LY96: variants seen among roughly 807,000 people sequenced by gnomAD.
LY96 encodes the protein lymphocyte antigen 96, also known as myeloid differentiation protein-2.
A neutral mutation model predicts 18.9 loss-of-function variants in LY96; 18 were observed. The ratio of observed to expected loss-of-function variants is 0.95; its 90% confidence interval spans 0.66 to 1.41. The LOEUF (loss-of-function observed/expected upper bound fraction) is 1.41. Ranked by LOEUF, LY96 falls within the 40% of genes most tolerant of loss-of-function variation. The probability of loss-of-function intolerance (pLI) is 0.00; values close to 1 mark genes in which losing one functional copy is unlikely to be tolerated. For missense variants in LY96, 175 were observed against 182.4 expected, an observed-to-expected ratio of 0.96 and a Z score of 0.23; for synonymous variants, 66 against 62.6, an observed-to-expected ratio of 1.06 and a Z score of -0.26.
At chr8:74,048,989 C>A in the LY96 span, among the ~76,000 whole-genome samples, 1 of 152,156 alleles carries the variant, frequency 6.6e-6, no homozygotes, top group Non-Finnish European at 1.5e-5. Flanking sequence ...CTGCCTTGTG[C>A]GTAGCTGTGT....
chr8:74,058,791 A>G, the LY96 span, among the ~76,000 whole-genome samples: 3 of 152,180 alleles, frequency 2.0e-5, no homozygotes, highest in African/African-American at 4.8e-5. Flanking sequence ...AAGTCCTGGG[A>G]TTACAGGCAT....
At chr8:74,032,302 A>G (rs1816984285), downstream of LY96, among the ~76,000 whole-genome samples, 1 of 152,198 alleles carries the variant, frequency 6.6e-6, no homozygotes, top group African/African-American at 2.4e-5. Flanking sequence ...TCTTATGCCC[A>G]ATTTCTGCCT....
chr8:74,041,610 C>T, the LY96 span, among the ~76,000 whole-genome samples: 13 of 152,242 alleles, frequency 8.5e-5, no homozygotes, highest in Admixed American at 2.6e-4. Context: ...AGTCTATAAA[C>T]GGCCGCTCTG....
chr8:74,072,769 A>G, the LY96 span, among the ~76,000 whole-genome samples: 2 of 152,194 alleles, frequency 1.3e-5, no homozygotes, highest in East Asian at 3.8e-4. Flanking sequence ...GCCTGAAAGC[A>G]TAGGGAGGTC....
the LY96 span, among the ~76,000 whole-genome samples, chr8:74,083,296 C>A: frequency 1.3e-5 from 2 of 152,072 alleles, no homozygotes; most frequent in Non-Finnish European, 2.9e-5. Context: ...CTCACTGCAA[C>A]CTCCACCTCC....
the LY96 span, among the ~76,000 whole-genome samples, chr8:74,080,984 C>CTTTCTT: frequency 7.6e-5 from 8 of 105,168 alleles, no homozygotes; most frequent in South Asian, 3.5e-4. Flanking sequence ...TTCTTTCTCT[C>CTTTCTT]TCTTTCTTTC....
chr8:74,081,056 CTTTCTTTCTTACTTTCTTTCT>C, the LY96 span, among the ~76,000 whole-genome samples: 235 of 112,108 alleles, frequency 2.1e-3, 2 homozygotes, highest in African/African-American at 7.9e-3. Context: ...CTTTTTCTTT[CTTTCTTTCTTACTTTCTTTCT>C]TCTCTTTCTC....
chr8:74,022,234 C>G (rs1176212890), intron 3 of LY96, among the ~76,000 whole-genome samples: 1 of 151,924 alleles, frequency 6.6e-6, no homozygotes. Context: ...ATGGTGAAAC[C>G]CAGTCTGTAC....
At chr8:74,063,716 A>G in the LY96 span, among the ~76,000 whole-genome samples, 3 of 152,174 alleles carry the variant, frequency 2.0e-5, no homozygotes, top group South Asian at 6.2e-4. Context: ...AAGATCCTGT[A>G]CATCTTTTGT....
At chr8:74,006,160 G>A (rs183565227) in intron 2 of LY96, among the ~76,000 whole-genome samples, 34 of 152,168 alleles carry the variant, frequency 2.2e-4, no homozygotes, top group African/African-American at 7.9e-4. Context: ...TATCATGCTA[G>A]GCACTGTGAA....
intron 4 of LY96, among the ~76,000 whole-genome samples, chr8:74,028,422 G>T (rs1455875160): frequency 6.6e-6 from 1 of 152,138 alleles, no homozygotes. Context: ...TGACCATTGT[G>T]TATAAGCCAG....
chr8:74,058,895 C>T, the LY96 span, among the ~76,000 whole-genome samples: 1 of 152,146 alleles, frequency 6.6e-6, no homozygotes, highest in African/African-American at 2.4e-5. Flanking sequence ...TGTCTGCAAG[C>T]TGGAGACCTA....
At chr8:74,010,659 A>T (rs1415281563) in intron 3 of LY96, among the ~76,000 whole-genome samples, 2 of 152,116 alleles carry the variant, frequency 1.3e-5, no homozygotes, top group Admixed American at 1.3e-4. Context: ...AGTTTTAAGA[A>T]TTAAATTTGA....
At chr8:74,080,920 T>C in the LY96 span, among the ~76,000 whole-genome samples, 3 of 152,212 alleles carry the variant, frequency 2.0e-5, no homozygotes, top group African/African-American at 7.2e-5. Context: ...TAAAGCCTAC[T>C]GATGATTTCC....
the LY96 span, among the ~76,000 whole-genome samples, chr8:74,093,015 G>A: frequency 2.6e-4 from 39 of 152,212 alleles, no homozygotes; most frequent in African/African-American, 8.4e-4. Flanking sequence ...TAAAATAAAA[G>A]CATGGCATTC....
chr8:74,081,013 T>A, the LY96 span, among the ~76,000 whole-genome samples: 1 of 131,858 alleles, frequency 7.6e-6, no homozygotes, highest in African/African-American at 3.6e-5. Flanking sequence ...TTTCTTTCTT[T>A]CTTTCTTTCT....
At chr8:74,085,728 AT>A in the LY96 span, among the ~76,000 whole-genome samples, 9 of 151,444 alleles carry the variant, frequency 5.9e-5, no homozygotes, top group Non-Finnish European at 1.5e-5. Flanking sequence ...TTTAAATTTA[AT>A]TTTTTCCAAC....
chr8:74,016,803 C>G (rs1221422746), intron 3 of LY96, among the ~76,000 whole-genome samples: 2 of 152,216 alleles, frequency 1.3e-5, no homozygotes, highest in African/African-American at 4.8e-5. Flanking sequence ...AGACCTGCAT[C>G]TGAGGGTCCT....
the LY96 span, among the ~76,000 whole-genome samples, chr8:74,075,773 G>A: frequency 1.3e-5 from 2 of 152,168 alleles, no homozygotes; most frequent in African/African-American, 4.8e-5. Flanking sequence ...TTGTGGGAAT[G>A]CTGAAAATCA....
Sources: allele counts gnomAD v4.1 joint callset (sites outside exome capture counted in the v4.1 genomes callset), GRCh38; gene constraint gnomAD v4.1.1; transcripts MANE v1.5; gene names NCBI Gene and HGNC (gene_info 2026-07-23, HGNC 2026-07-21).